PTBP3: variants seen among roughly 807,000 people sequenced by gnomAD.
PTBP3 encodes the protein polypyrimidine tract-binding protein 3.
Under a neutral mutation model 58.7 loss-of-function variants are expected in PTBP3, and 20 were observed. The observed-to-expected ratio is 0.34, with a 90% confidence interval of 0.24 to 0.50. The LOEUF is 0.50. PTBP3 is among the 20% of genes least tolerant of loss of function. The pLI, the probability that PTBP3 is intolerant of heterozygous loss-of-function variation, is 0.98. For missense variants in PTBP3, 509 were observed against 637.2 expected (o/e 0.80, Z 2.17); for synonymous variants, 185 against 219.8 (o/e 0.84, Z 1.40).
At chr9:112,294,085 T>G (rs563463331) in intron 2 of PTBP3, among the ~76,000 whole-genome samples, 1 of 152,132 alleles carries the variant, frequency 6.6e-6, no homozygotes, top group African/African-American at 2.4e-5. Context: ...TTTCACTACA[T>G]CAAAAAATTA....
intron 5 of PTBP3, among the ~76,000 whole-genome samples, chr9:112,255,086 C>T (rs767109370): frequency 5.9e-5 from 9 of 152,082 alleles, no homozygotes; most frequent in Non-Finnish European, 1.3e-4. Flanking sequence ...GACATCATGC[C>T]AGGTGAAATA....
chr9:112,234,358 A>T (rs1835363054), intron 8 of PTBP3, among the ~76,000 whole-genome samples: 1 of 152,214 alleles, frequency 6.6e-6, no homozygotes, highest in Non-Finnish European at 1.5e-5. Flanking sequence ...CATTAATGAC[A>T]AAAGGTTTTC....
At chr9:112,349,827 G>GCA in the PTBP3 span, among the ~76,000 whole-genome samples, 1 of 121,272 alleles carries the variant, frequency 8.2e-6, no homozygotes, top group East Asian at 2.6e-4. Context: ...TTGCGCCACT[G>GCA]CACTCCAGCC....
rs964711956 is a variant in PTBP3 at position 112,220,106 on chromosome 9, T to C, written c.*3745A>G. ...GCATCGTCACGCTGTCTCTTTTTGG[T>C]TTTAAAAATAGCAGTACACATTAGG... On this transcript the variant is annotated 3_prime_UTR_variant, in exon 14 of 14. Coordinates refer to ENST00000374257, the MANE Select transcript of PTBP3 (RefSeq NM_001163788.4). 2.4e-6 allele frequency: 3 copies of C among 1,237,638 alleles called. No homozygotes were observed. The highest frequency in any genetic ancestry group is 3.1e-5 in the African/African-American group (2 of 63,544). The allele number at this position is 1,237,638 out of a possible 1,614,324, so 76.7% of individuals were successfully genotyped here.
chr9:112,317,930 T>C (rs563867881), intron 1 of PTBP3, among the ~76,000 whole-genome samples: 1 of 152,134 alleles, frequency 6.6e-6, no homozygotes, highest in East Asian at 1.9e-4. Context: ...GTGACAGAGC[T>C]AGACTCAAAA....
Position 112,222,235 on chromosome 9 carries a change from A to G in PTBP3, c.*1616T>C. On this transcript the variant is annotated 3_prime_UTR_variant, in exon 14 of 14. Coordinates refer to ENST00000374257, the MANE Select transcript of PTBP3 (RefSeq NM_001163788.4). Reference sequence around the variant, plus strand: ...AATTCTGATCAACAATTGAAGAAATAATAGCAAAGTTTCTTATTAAAAAGA... The same window carrying G: ...AATTCTGATCAACAATTGAAGAAATGATAGCAAAGTTTCTTATTAAAAAGA... The G allele has an allele frequency of 2.0e-6, 2 of 977,210 alleles. No homozygotes were observed. The highest frequency in any genetic ancestry group is 2.4e-6 in the Non-Finnish European group (2 of 822,060). The allele number at this position is 977,210 out of a possible 1,614,324, so 60.5% of individuals were successfully genotyped here.
At chr9:112,325,392 GGT>G (rs1830115250) in intron 1 of PTBP3, among the ~76,000 whole-genome samples, 1 of 152,078 alleles carries the variant, frequency 6.6e-6, no homozygotes, top group Non-Finnish European at 1.5e-5. Flanking sequence ...GTGGTGGCCT[GGT>G]ATTCAACCTG....
intron 1 of PTBP3, among the ~76,000 whole-genome samples, chr9:112,313,360 C>T (rs1353295349): frequency 6.6e-6 from 1 of 152,236 alleles, no homozygotes; most frequent in African/African-American, 2.4e-5. Context: ...TGTGCCACTA[C>T]ACCCAGCCTA....
chr9:112,268,706 C>G (rs1002491235), intron 3 of PTBP3, among the ~76,000 whole-genome samples: 6 of 119,850 alleles, frequency 5.0e-5, no homozygotes, highest in Admixed American at 9.4e-5. Flanking sequence ...GAGTAAGACA[C>G]CGTCTCAAAA....
intron 1 of PTBP3, among the ~76,000 whole-genome samples, chr9:112,312,490 T>TTTG (rs1205725796): frequency 2.7e-5 from 4 of 145,870 alleles, no homozygotes; most frequent in African/African-American, 5.1e-5. Context: ...TTTTTTTTGT[T>TTTG]TTTTTTTTTT....
chr9:112,233,277 GTGTGTGT>G (rs2131989099), intron 8 of PTBP3, among the ~76,000 whole-genome samples: 1 of 14,498 alleles, frequency 6.9e-5, no homozygotes, highest in African/African-American at 1.5e-3. Flanking sequence ...TGTAGGGTGT[GTGTGTGT>G]GTGTGTGTGT....
chr9:112,295,140 G>A (rs768677984), intron 2 of PTBP3, among the ~76,000 whole-genome samples: 22 of 151,708 alleles, frequency 1.5e-4, no homozygotes, highest in Non-Finnish European at 3.2e-4. Context: ...CTCAGAGGCC[G>A]AGGCAGGAGA....
rs528446859 is a variant in PTBP3 at position 112,246,957 on chromosome 9, G to A, written c.802+3972C>T. Among the ~76,000 whole-genome samples the A allele has an allele frequency of 2.0e-4, 31 of 152,180 alleles. 1 individual carries two copies. In the South Asian group the frequency reaches 5.0e-3, roughly 24 times the overall value. ...GCTCAAAAATGTATACAATGATGAGGAAAACCCAGACATCTATATTGAAAG... is the reference window on the plus strand; with the variant it reads ...GCTCAAAAATGTATACAATGATGAGAAAAACCCAGACATCTATATTGAAAG... On this transcript the variant is annotated intron_variant, in intron 7 of 13. Transcript: ENST00000374257.
intron 1 of PTBP3, among the ~76,000 whole-genome samples, chr9:112,326,986 G>C (rs527684306): frequency 2.7e-4 from 41 of 152,294 alleles, no homozygotes; most frequent in Non-Finnish European, 5.4e-4. Flanking sequence ...AGGAGGCTGA[G>C]GCAGGAGAAT....
intron 1 of PTBP3, among the ~76,000 whole-genome samples, chr9:112,331,902 C>A (rs1410162892): frequency 6.6e-6 from 1 of 152,132 alleles, no homozygotes; most frequent in African/African-American, 2.4e-5. Context: ...ATACATTTTA[C>A]GACACAAAAA....
chr9:112,301,757 T>C (rs545394234), intron 1 of PTBP3, among the ~76,000 whole-genome samples: 1 of 152,310 alleles, frequency 6.6e-6, no homozygotes, highest in East Asian at 1.9e-4. Flanking sequence ...CCAATACCAA[T>C]GCTTCTGTTT....
intron 10 of PTBP3, among the ~76,000 whole-genome samples, chr9:112,229,362 G>C (rs529869083): frequency 5.6e-4 from 85 of 152,090 alleles, no homozygotes; most frequent in African/African-American, 2.0e-3. Context: ...TCAGGAATTC[G>C]AGACCAGCCT....
At chr9:112,326,891 T>C (rs1182605434) in intron 1 of PTBP3, among the ~76,000 whole-genome samples, 1 of 152,140 alleles carries the variant, frequency 6.6e-6, no homozygotes, top group East Asian at 1.9e-4. Context: ...TATCATCTAG[T>C]TGGTTCTTCA....
chr9:112,329,714 T>C (rs1210154892), intron 1 of PTBP3, among the ~76,000 whole-genome samples: 2 of 152,082 alleles, frequency 1.3e-5, no homozygotes, highest in Non-Finnish European at 2.9e-5. Flanking sequence ...TTGGTAAAAA[T>C]ACATGTAAAG....
Sources: gnomAD v4.1 joint callset for allele counts (sites outside exome capture counted in the v4.1 genomes callset) on GRCh38, gnomAD v4.1.1 for gene constraint, MANE v1.5 for transcripts, NCBI Gene and HGNC (gene_info 2026-07-23, HGNC 2026-07-21) for gene names.